The following NPAS3 variants were observed in gnomAD, a reference collection of about 807,000 sequenced individuals.
NPAS3 encodes the protein neuronal PAS domain protein 3, also known as neuronal PAS domain-containing protein 3.
Under a neutral mutation model 73.1 loss-of-function variants are expected in NPAS3, and 14 were observed. That is an observed-to-expected ratio of 0.19 (90% CI 0.13 to 0.30). NPAS3 has a LOEUF of 0.30. NPAS3 is among the 10% of genes least tolerant of loss of function. The probability of loss-of-function intolerance (pLI) is 1.00; values close to 1 mark genes in which losing one functional copy is unlikely to be tolerated. For missense variants in NPAS3, 1,096 were observed against 1,250.0 expected, an observed-to-expected ratio of 0.88 and a Z score of 1.86; for synonymous variants, 620 against 541.5, an observed-to-expected ratio of 1.14 and a Z score of -2.01.
At chr14:32,994,564 C>T (rs1306335181) in intron 1 of NPAS3, among the ~76,000 whole-genome samples, 4 of 145,886 alleles carry the variant, frequency 2.7e-5, no homozygotes, top group Non-Finnish European at 6.0e-5. Context: ...CTGCTTGCTA[C>T]TGGGAACTTA....
At chr14:33,493,257 A>AC (rs2051993855) in intron 4 of NPAS3, among the ~76,000 whole-genome samples, 1 of 149,234 alleles carries the variant, frequency 6.7e-6, no homozygotes. Context: ...AAACTGAAAA[A>AC]CCCCTTTAAA....
At chr14:33,188,798 T>C (rs1201322850) in intron 2 of NPAS3, among the ~76,000 whole-genome samples, 1 of 152,214 alleles carries the variant, frequency 6.6e-6, no homozygotes, top group African/African-American at 2.4e-5. Context: ...TTCCTGTATA[T>C]CTTTACAGAA....
chr14:33,068,426 C>T (rs375247345), intron 2 of NPAS3, among the ~76,000 whole-genome samples: 1 of 152,194 alleles, frequency 6.6e-6, no homozygotes, highest in African/African-American at 2.4e-5. Context: ...GTTTTATCCA[C>T]AGTGGTTTCT....
chr14:33,193,508 G>A (rs746400065), intron 2 of NPAS3, among the ~76,000 whole-genome samples: 11 of 152,214 alleles, frequency 7.2e-5, no homozygotes, highest in Non-Finnish European at 1.3e-4. Context: ...GGATGGCGAT[G>A]AGGATCTGCA....
chr14:33,143,051 G>A (rs577342294), intron 2 of NPAS3, among the ~76,000 whole-genome samples: 2 of 152,210 alleles, frequency 1.3e-5, no homozygotes, highest in Non-Finnish European at 2.9e-5. Context: ...GTTGCAATGA[G>A]CTGAGGTCAT....
chr14:33,195,518 C>T (rs115632620), intron 2 of NPAS3, among the ~76,000 whole-genome samples: 222 of 152,280 alleles, frequency 1.5e-3, no homozygotes, highest in African/African-American at 5.1e-3. Context: ...CCACCCGCTT[C>T]GGCCTCCCAA....
At chr14:33,755,782 G>A (rs915809780) in intron 7 of NPAS3, among the ~76,000 whole-genome samples, 2 of 152,030 alleles carry the variant, frequency 1.3e-5, no homozygotes, top group African/African-American at 4.8e-5. Context: ...TATCTAGGAA[G>A]CATGACACCT....
rs1594415188 is a variant in NPAS3 at position 33,215,170 on chromosome 14, C to T, written c.141-12C>T. ...TATTCTAAACCACACATTCTCACTC[C>T]TTTGATTTCAGTTTACAAGCATTGA... is the stretch of plus-strand genomic sequence containing the variant. On this transcript the variant is annotated splice_polypyrimidine_tract_variant and intron_variant, in intron 2 of 11. Transcript: ENST00000356141. The T allele has an allele frequency of 3.7e-6, 6 of 1,613,054 alleles. No homozygotes were observed. In the East Asian group the frequency reaches 8.9e-5, roughly 24 times the overall value.
At chr14:33,409,419 A>G (rs746083703) in intron 4 of NPAS3, among the ~76,000 whole-genome samples, 4 of 152,192 alleles carry the variant, frequency 2.6e-5, no homozygotes, top group African/African-American at 4.8e-5. Flanking sequence ...TTTAGGATGA[A>G]GAGATTATAG....
intron 5 of NPAS3, among the ~76,000 whole-genome samples, chr14:33,600,051 T>G (rs2057354277): frequency 6.6e-6 from 1 of 152,172 alleles, no homozygotes; most frequent in South Asian, 2.1e-4. Context: ...GGCACTAGAG[T>G]TCCTCCAAAA....
intron 4 of NPAS3, among the ~76,000 whole-genome samples, chr14:33,449,592 TAC>T (rs548580658): frequency 7.3e-4 from 111 of 151,874 alleles, no homozygotes; most frequent in African/African-American, 2.5e-3. Flanking sequence ...ATAGCATAAA[TAC>T]ACAGACACCC....
intron 3 of NPAS3, among the ~76,000 whole-genome samples, chr14:33,342,826 G>C (rs189034694): frequency 1.3e-5 from 2 of 152,022 alleles, no homozygotes; most frequent in Non-Finnish European, 2.9e-5. Context: ...TTTTCAATGA[G>C]AATGATATGA....
chr14:33,097,791 C>A (rs1220689550), intron 2 of NPAS3, among the ~76,000 whole-genome samples: 3 of 152,116 alleles, frequency 2.0e-5, no homozygotes, highest in Admixed American at 6.5e-5. Context: ...TTATGAGCCA[C>A]TTAGTGTTAG....
chr14:33,610,476 C>A (rs1438046788), intron 5 of NPAS3, among the ~76,000 whole-genome samples: 1 of 151,746 alleles, frequency 6.6e-6, no homozygotes, highest in Non-Finnish European at 1.5e-5. Flanking sequence ...TCTTTTTCAC[C>A]AAGACCTACA....
At chr14:33,098,073 C>CTG (rs1204871941) in intron 2 of NPAS3, among the ~76,000 whole-genome samples, 1 of 152,146 alleles carries the variant, frequency 6.6e-6, no homozygotes, top group Admixed American at 6.5e-5. Context: ...TTATTGTCTA[C>CTG]TGTAGCATCA....
intron 4 of NPAS3, among the ~76,000 whole-genome samples, chr14:33,371,005 T>C (rs1369658006): frequency 1.3e-5 from 2 of 152,102 alleles, no homozygotes; most frequent in Admixed American, 6.6e-5. Flanking sequence ...AGATGAATGA[T>C]AGTTCAAATT....
intron 2 of NPAS3, among the ~76,000 whole-genome samples, chr14:33,200,870 C>A (rs2046587764): frequency 6.6e-6 from 1 of 152,190 alleles, no homozygotes. Context: ...TTCCACTAAT[C>A]ATCATGCTTG....
chr14:33,022,526 G>A (rs796552101), intron 1 of NPAS3, among the ~76,000 whole-genome samples: 15 of 152,156 alleles, frequency 9.9e-5, no homozygotes, highest in African/African-American at 3.1e-4. Flanking sequence ...GTAGCTGGGC[G>A]TGGTGGCGGG....
chr14:33,264,371 T>C (rs772616301), intron 3 of NPAS3, among the ~76,000 whole-genome samples: 1 of 151,974 alleles, frequency 6.6e-6, no homozygotes, highest in Non-Finnish European at 1.5e-5. Context: ...TGTATACATA[T>C]GTAAAAAACC....
Sources: allele counts gnomAD v4.1 joint callset (sites outside exome capture counted in the v4.1 genomes callset), GRCh38; gene constraint gnomAD v4.1.1; transcripts MANE v1.5; gene names NCBI Gene and HGNC (gene_info 2026-07-23, HGNC 2026-07-21).